Variants in SDK1 observed in about 807,000 individuals in gnomAD.
SDK1 encodes sidekick cell adhesion molecule 1.
SDK1 carries 157 observed loss-of-function variants against 245.5 expected under a neutral mutation model. The ratio of observed to expected loss-of-function variants is 0.64; its 90% confidence interval spans 0.56 to 0.73. SDK1 has a LOEUF of 0.73. Among genes scored for constraint, SDK1 ranks in the 30% least tolerant of loss-of-function variants. The probability of loss-of-function intolerance (pLI) is 0.00; values close to 1 mark genes in which losing one functional copy is unlikely to be tolerated. For missense variants in SDK1, 3,583 were observed against 3,002.3 expected (o/e 1.19, Z -4.52); for synonymous variants, 1,647 against 1,278.5 (o/e 1.29, Z -6.15).
At chr7:3,918,208 G>A (rs1231404614) in intron 5 of SDK1, among the ~76,000 whole-genome samples, 1 of 152,116 alleles carries the variant, frequency 6.6e-6, no homozygotes, top group Non-Finnish European at 1.5e-5. Flanking sequence ...CTGGAGCAGG[G>A]GTTCCCAACC....
chr7:4,129,190 C>T (rs1283657345), intron 26 of SDK1, among the ~76,000 whole-genome samples: 4 of 141,224 alleles, frequency 2.8e-5, no homozygotes, highest in Non-Finnish European at 6.2e-5. Context: ...GGGTAGGGTG[C>T]CCTGGAATAG....
intron 35 of SDK1, among the ~76,000 whole-genome samples, chr7:4,189,755 A>C (rs1309438129): frequency 6.6e-6 from 1 of 152,200 alleles, no homozygotes; most frequent in East Asian, 1.9e-4. Context: ...GTGCCACTGC[A>C]CTGCAGCCAT....
chr7:3,960,692 G>T (rs929717218), intron 8 of SDK1, among the ~76,000 whole-genome samples: 1 of 152,142 alleles, frequency 6.6e-6, no homozygotes, highest in Non-Finnish European at 1.5e-5. Context: ...TGCTGTCCAC[G>T]GCTCTGTTCT....
intron 4 of SDK1, among the ~76,000 whole-genome samples, chr7:3,779,871 G>A (rs1308885469): frequency 1.3e-5 from 2 of 150,416 alleles, no homozygotes; most frequent in Non-Finnish European, 2.9e-5. Context: ...AGCGGAGCTT[G>A]CAGTGAGCCG....
chr7:3,889,557 G>A (rs939381875), intron 5 of SDK1, among the ~76,000 whole-genome samples: 5 of 152,136 alleles, frequency 3.3e-5, no homozygotes, highest in African/African-American at 1.2e-4. Flanking sequence ...ACCCAGGCTG[G>A]AGTGCAGAGG....
chr7:4,106,656 C>T lies in SDK1; in HGVS notation c.3325-4007C>T, dbSNP rs187346945. On this transcript the variant is annotated intron_variant, in intron 22 of 44. Coordinates refer to ENST00000404826, the MANE Select transcript of SDK1 (RefSeq NM_152744.4). ...ATCTCTGCAGAGGGAGCCGCACGCC[C>T]GGCGTTCTCAGAGAAACCCGATGAG... Among the ~76,000 whole-genome samples, 1,400 of 152,288 alleles carry T rather than the reference C, an allele frequency of 9.2e-3. 23 individuals are homozygous for T. Among genetic ancestry groups the T allele is most frequent in the African/African-American group, 0.032 (1,313 of 41,562 alleles).
At chr7:4,063,605 A>AAAAAAAAAAAAAAAAAAAAC (rs1316706124) in intron 19 of SDK1, among the ~76,000 whole-genome samples, 1 of 151,364 alleles carries the variant, frequency 6.6e-6, no homozygotes, top group African/African-American at 2.4e-5. Flanking sequence ...AGCAAAAAAA[A>AAAAAAAAAAAAAAAAAAAAC]AAAACAAAAA....
Position 3,841,007 on chromosome 7 carries a change from C to T in SDK1, c.847+19424C>T, listed in dbSNP as rs566449861. 1.3e-3 allele frequency among the ~76,000 whole-genome samples: 198 copies of T among 152,256 alleles called. 1 individual carries two copies. The highest frequency in any genetic ancestry group is 4.6e-3 in the African/African-American group (193 of 41,532). ...GGGGATGTGTTATTACCAAGAGGCC[C>T]CACTTCATGAGAGAGCTGCTGCATG... On this transcript the variant is annotated intron_variant, in intron 5 of 44. Coordinates refer to ENST00000404826, the MANE Select transcript of SDK1 (RefSeq NM_152744.4).
chr7:3,619,328 A>C, intron 2 of SDK1, 89 bp downstream of exon 2: 1 of 1,097,962 alleles, frequency 9.1e-7, no homozygotes, highest in Non-Finnish European at 1.3e-6. Flanking sequence ...CAATGAGTGA[A>C]AATATTGGAT....
chr7:4,249,391 C>A (rs1419391199), intron 44 of SDK1, among the ~76,000 whole-genome samples: 1 of 152,216 alleles, frequency 6.6e-6, no homozygotes, highest in African/African-American at 2.4e-5. Flanking sequence ...CCAGGCCACA[C>A]TGCTCCCACA....
intron 4 of SDK1, among the ~76,000 whole-genome samples, chr7:3,652,117 A>G (rs1310796014): frequency 6.6e-6 from 1 of 152,190 alleles, no homozygotes; most frequent in Non-Finnish European, 1.5e-5. Context: ...AAATATTTAG[A>G]TATTAGATGA....
At chr7:3,414,275 T>G (rs977046752) in intron 1 of SDK1, among the ~76,000 whole-genome samples, 6 of 152,176 alleles carry the variant, frequency 3.9e-5, no homozygotes, top group South Asian at 4.2e-4. Flanking sequence ...TAGGGCATTT[T>G]CTGAGACGAG....
At chr7:3,692,273 A>T (rs1784458101) in intron 4 of SDK1, among the ~76,000 whole-genome samples, 1 of 152,172 alleles carries the variant, frequency 6.6e-6, no homozygotes, top group African/African-American at 2.4e-5. Context: ...GGAAAAAGTA[A>T]CCTAAGATAT....
At chr7:3,673,363 G>A (rs917813426) in intron 4 of SDK1, among the ~76,000 whole-genome samples, 3 of 152,160 alleles carry the variant, frequency 2.0e-5, no homozygotes, top group Non-Finnish European at 4.4e-5. Context: ...GGAAATAAAA[G>A]CATTCATTTC....
intron 4 of SDK1, among the ~76,000 whole-genome samples, chr7:3,695,552 A>G (rs1241120209): frequency 2.0e-5 from 3 of 152,180 alleles, no homozygotes; most frequent in African/African-American, 7.2e-5. Flanking sequence ...AACTTCGTTA[A>G]ATGTCCTTTT....
intron 35 of SDK1, among the ~76,000 whole-genome samples, chr7:4,193,739 C>G (rs1321030198): frequency 6.6e-6 from 1 of 152,142 alleles, no homozygotes; most frequent in Non-Finnish European, 1.5e-5. Context: ...GACTCTCACT[C>G]AAGGCAATCT....
rs369213486 is a variant in SDK1, at chr7:3,303,319, GTTTA to G, written c.298+1438_298+1441del. On this transcript the variant is annotated intron_variant, in intron 1 of 44. Coordinates refer to ENST00000404826, the MANE Select transcript of SDK1 (RefSeq NM_152744.4). Reference sequence around the variant, plus strand: ...CTTAGGATGACCTTTAAAATAATGTGTTTATTAAGTTTTCTTTTTTTAAACAGTG... The same window carrying G: ...CTTAGGATGACCTTTAAAATAATGTGTTAAGTTTTCTTTTTTTAAACAGTG... 8.4e-3 allele frequency among the ~76,000 whole-genome samples: 1,281 copies of G among 152,244 alleles called. 16 individuals carry two copies. Among genetic ancestry groups the G allele is most frequent in the African/African-American group, 0.03 (1,247 of 41,528 alleles).
intron 1 of SDK1, among the ~76,000 whole-genome samples, chr7:3,354,500 T>C (rs1359289059): frequency 6.6e-6 from 1 of 152,210 alleles, no homozygotes; most frequent in East Asian, 1.9e-4. Context: ...GGTAACATAA[T>C]AAAAGTTAAA....
intron 1 of SDK1, among the ~76,000 whole-genome samples, chr7:3,596,282 T>C (rs1229661667): frequency 7.9e-5 from 12 of 152,146 alleles, no homozygotes; most frequent in Admixed American, 7.9e-4. Context: ...GAAATTTCAG[T>C]AATAGGCAGT....
Sources: gnomAD v4.1 joint callset for allele counts (sites outside exome capture counted in the v4.1 genomes callset) on GRCh38, gnomAD v4.1.1 for gene constraint, MANE v1.5 for transcripts, NCBI Gene and HGNC (gene_info 2026-07-23, HGNC 2026-07-21) for gene names.